The following VPS41 variants were observed in gnomAD, a reference collection of about 807,000 sequenced individuals.
VPS41 encodes vacuolar protein sorting-associated protein 41 homolog.
Under a neutral mutation model 130.9 loss-of-function variants are expected in VPS41, and 85 were observed. That is an observed-to-expected ratio of 0.65 (90% confidence interval 0.55 to 0.78). The LOEUF (loss-of-function observed/expected upper bound fraction) is 0.78, where lower values mean the gene tolerates loss of function less well. VPS41 is among the 30% of genes least tolerant of loss of function. The pLI, the probability that VPS41 is intolerant of heterozygous loss-of-function variation, is 0.00. For synonymous variants in VPS41, 335 were observed against 332.9 expected (o/e 1.01, Z -0.07); for missense variants, 874 against 1,018.7 (o/e 0.86, Z 1.93).
intron 1 of VPS41, among the ~76,000 whole-genome samples, chr7:38,907,019 A>C (rs925794830): frequency 6.6e-5 from 10 of 152,162 alleles, no homozygotes; most frequent in Admixed American, 1.3e-4. Flanking sequence ...ACAGCAGTGA[A>C]CAAATCCTTG....
At chr7:38,814,670 C>CA (rs1584408948) in intron 7 of VPS41, among the ~76,000 whole-genome samples, 3 of 151,886 alleles carry the variant, frequency 2.0e-5, no homozygotes, top group South Asian at 2.1e-4. Flanking sequence ...AAAACAAAAA[C>CA]AAAAAAACAT....
chr7:38,869,109 C>T (rs750864616), intron 3 of VPS41, 37 bp downstream of exon 3: 1 of 1,473,320 alleles, frequency 6.8e-7, no homozygotes, highest in Non-Finnish European at 9.2e-7. Flanking sequence ...ACAATGGAAA[C>T]AATTTACAGA....
intron 9 of VPS41, among the ~76,000 whole-genome samples, chr7:38,792,958 A>G (rs1479199882): frequency 6.6e-6 from 1 of 152,062 alleles, no homozygotes; most frequent in Admixed American, 6.6e-5. Context: ...CCTTCTGCTA[A>G]CACCTCCTAC....
chr7:38,780,107 TA>T (rs1462361180), intron 10 of VPS41, among the ~76,000 whole-genome samples: 2 of 149,824 alleles, frequency 1.3e-5, no homozygotes, highest in African/African-American at 4.9e-5. Context: ...ACAAAGAAAA[TA>T]AACATAAATT....
chr7:38,735,475 ATGTGTGTGTACATGTGTGTGTCTC>A (rs900286986), intron 25 of VPS41, among the ~76,000 whole-genome samples: 3 of 151,576 alleles, frequency 2.0e-5, no homozygotes, highest in African/African-American at 7.3e-5. Context: ...TGGATGAGGT[ATGTGTGTGTACATGTGTGTGTCTC>A]TGTGTGTGTA....
chr7:38,733,213 A>G (rs965204905), intron 25 of VPS41, among the ~76,000 whole-genome samples: 2 of 152,246 alleles, frequency 1.3e-5, no homozygotes, highest in African/African-American at 2.4e-5. Context: ...TTGACTACCA[A>G]TGTAATTTAG....
intron 1 of VPS41, among the ~76,000 whole-genome samples, chr7:38,902,598 A>G (rs1470077820): frequency 1.3e-5 from 2 of 151,962 alleles, no homozygotes; most frequent in African/African-American, 4.8e-5. Flanking sequence ...CACCACCCCC[A>G]CCACTCCCAA....
intron 14 of VPS41, among the ~76,000 whole-genome samples, chr7:38,769,961 T>C (rs1256329934): frequency 2.6e-5 from 4 of 152,166 alleles, no homozygotes; most frequent in Admixed American, 6.5e-5. Context: ...ATCTGACCTT[T>C]GCTACCTATG....
chr7:38,761,243 T>TCC (rs1562575932), intron 17 of VPS41, among the ~76,000 whole-genome samples: 1 of 123,380 alleles, frequency 8.1e-6, no homozygotes, highest in Non-Finnish European at 1.6e-5. Context: ...TTCTTTGTTT[T>TCC]TCTCTCTCTC....
intron 4 of VPS41, among the ~76,000 whole-genome samples, chr7:38,855,301 CAA>C (rs1326780053): frequency 6.7e-6 from 1 of 150,124 alleles, no homozygotes; most frequent in East Asian, 2.0e-4. Flanking sequence ...ATGATACTGT[CAA>C]AGAGAGAGGA....
At chr7:38,835,980 C>G (rs541950577) in intron 4 of VPS41, among the ~76,000 whole-genome samples, 1 of 151,914 alleles carries the variant, frequency 6.6e-6, no homozygotes, top group Non-Finnish European at 1.5e-5. Flanking sequence ...ACTACCAACA[C>G]GCTTGATTTC....
intron 9 of VPS41, 69 bp downstream of exon 9, chr7:38,795,396 A>G (rs1784599738): frequency 7.2e-7 from 1 of 1,397,540 alleles, no homozygotes; most frequent in Admixed American, 2.4e-5. Flanking sequence ...ATCAAGACTC[A>G]CAGTCCTTTG....
At chr7:38,857,821 T>A (rs6956146) in intron 4 of VPS41, among the ~76,000 whole-genome samples, 36,363 of 152,014 alleles carry the variant, frequency 0.24, 4,819 homozygotes, top group East Asian at 0.46. Flanking sequence ...TGTTTTAGGG[T>A]GACATAAGAC....
intron 22 of VPS41, among the ~76,000 whole-genome samples, chr7:38,747,772 T>C (rs1033877775): frequency 6.6e-6 from 1 of 152,210 alleles, no homozygotes; most frequent in African/African-American, 2.4e-5. Context: ...AATTGTGACA[T>C]GTGGTTGGTG....
At position 38,723,015 on chromosome 7, in the gene VPS41, A is replaced by G. The variant is rs1795468444; in HGVS notation, c.*3231T>C. 6.6e-6 allele frequency: 1 copy of G among 152,216 alleles called. No individual in the cohort carries two copies. The highest frequency in any genetic ancestry group is 1.5e-5 in the Non-Finnish European group (1 of 68,038). The allele number at this position is 152,216 out of a possible 1,614,324, so 9.4% of individuals were successfully genotyped here. A position where few individuals can be genotyped will look rare whatever the true frequency, so the allele number is the denominator to read the frequency against. On this transcript the variant is annotated 3_prime_UTR_variant, in exon 29 of 29. Transcript: ENST00000310301. ...TTTATATTATATGCTATATTCTTAT[A>G]ATAAAGCAAGCTAAAGAAAATAGTA...
chr7:38,784,270 A>G lies in VPS41; in HGVS notation c.784+5531T>C, dbSNP rs145593494. On this transcript the variant is annotated intron_variant, in intron 10 of 28. Coordinates refer to ENST00000310301, the MANE Select transcript of VPS41 (RefSeq NM_014396.4). ...TCAGAGGGGTTAAGTAACTTGACTA[A>G]AGTCACTTAAGTGGAAGATAAGAGA... 9.8e-5 allele frequency among the ~76,000 whole-genome samples: 15 copies of G among 152,292 alleles called. No individual in the cohort carries two copies. In the East Asian group the frequency reaches 2.3e-3, roughly 24 times the overall value.
chr7:38,800,446 T>G (rs1784703752), intron 7 of VPS41, among the ~76,000 whole-genome samples: 2 of 152,214 alleles, frequency 1.3e-5, no homozygotes, highest in Non-Finnish European at 2.9e-5. Flanking sequence ...TTTTTTATGT[T>G]AATACATTAA....
intron 22 of VPS41, among the ~76,000 whole-genome samples, chr7:38,748,239 G>A (rs755800017): frequency 2.6e-5 from 4 of 151,916 alleles, no homozygotes; most frequent in East Asian, 3.9e-4. Context: ...ACACACACGC[G>A]GACAATGCAG....
chr7:38,838,683 C>CT (rs1175479276), intron 4 of VPS41, among the ~76,000 whole-genome samples: 1 of 152,146 alleles, frequency 6.6e-6, no homozygotes, highest in East Asian at 1.9e-4. Context: ...CCTTCTAAAT[C>CT]TAAGTCCACT....
Sources: gnomAD v4.1 joint callset for allele counts (sites outside exome capture counted in the v4.1 genomes callset) on GRCh38, gnomAD v4.1.1 for gene constraint, MANE v1.5 for transcripts, NCBI Gene and HGNC (gene_info 2026-07-23, HGNC 2026-07-21) for gene names.